The following PTPRD variants were observed in gnomAD, a reference collection of about 807,000 sequenced individuals.
PTPRD encodes protein tyrosine phosphatase receptor type D, also known as receptor-type tyrosine-protein phosphatase delta.
PTPRD carries 34 observed loss-of-function variants against 214.5 expected under a neutral mutation model. The observed-to-expected ratio is 0.16, with a 90% CI of 0.12 to 0.21. The LOEUF is 0.21. PTPRD is among the 10% of genes least tolerant of loss of function. The probability of loss-of-function intolerance (pLI) is 1.00; values close to 1 mark genes in which losing one functional copy is unlikely to be tolerated. For missense variants in PTPRD, 2,545 were observed against 2,398.7 expected, an observed-to-expected ratio of 1.06 and a Z score of -1.27; for synonymous variants, 1,128 against 845.7, an observed-to-expected ratio of 1.33 and a Z score of -5.79.
chr9:8,780,183 AT>A (rs964934454), intron 11 of PTPRD, among the ~76,000 whole-genome samples: 1 of 152,216 alleles, frequency 6.6e-6, no homozygotes, highest in Admixed American at 6.5e-5. Context: ...TTGACACAAA[AT>A]TATAAAGTAT....
At chr9:10,358,256 T>A (rs2097313584) in intron 2 of PTPRD, among the ~76,000 whole-genome samples, 1 of 152,096 alleles carries the variant, frequency 6.6e-6, no homozygotes, top group African/African-American at 2.4e-5. Context: ...ATAATACTTT[T>A]GTCCAGAAAT....
chr9:9,555,756 A>C (rs952367927), intron 8 of PTPRD, among the ~76,000 whole-genome samples: 1 of 152,168 alleles, frequency 6.6e-6, no homozygotes, highest in Non-Finnish European at 1.5e-5. Context: ...ATTAGCTATA[A>C]GTACCTTTCC....
intron 8 of PTPRD, among the ~76,000 whole-genome samples, chr9:9,474,145 G>T (rs1032482822): frequency 2.6e-5 from 4 of 152,098 alleles, no homozygotes; most frequent in Non-Finnish European, 4.4e-5. Context: ...GATGGTGAGA[G>T]ATAGGGGTTT....
intron 11 of PTPRD, among the ~76,000 whole-genome samples, chr9:8,807,053 T>C (rs909799149): frequency 1.3e-5 from 2 of 152,094 alleles, no homozygotes; most frequent in African/African-American, 2.4e-5. Context: ...AAGTGGGAAG[T>C]AGGCCAGGCA....
chr9:9,105,855 T>A (rs2099797719), intron 10 of PTPRD, among the ~76,000 whole-genome samples: 1 of 152,150 alleles, frequency 6.6e-6, no homozygotes, highest in South Asian at 2.1e-4. Context: ...CTATTTTAAC[T>A]GTAAAGAAAA....
At chr9:10,087,584 T>G (rs1475180009) in intron 3 of PTPRD, among the ~76,000 whole-genome samples, 1 of 151,616 alleles carries the variant, frequency 6.6e-6, no homozygotes, top group Admixed American at 6.6e-5. Flanking sequence ...AGACTAATAT[T>G]ATAATAACTG....
chr9:9,704,960 C>G (rs985109272), intron 7 of PTPRD, among the ~76,000 whole-genome samples: 1 of 152,208 alleles, frequency 6.6e-6, no homozygotes, highest in Non-Finnish European at 1.5e-5. Context: ...AGTAAAATGA[C>G]TGTTTTAAGC....
intron 11 of PTPRD, among the ~76,000 whole-genome samples, chr9:8,937,076 G>T (rs949792059): frequency 4.7e-5 from 1 of 21,358 alleles, no homozygotes; most frequent in African/African-American, 8.8e-5. Context: ...TTAGAGAATA[G>T]AAATGGTAGT....
chr9:10,369,089 T>A (rs752302042), intron 2 of PTPRD, among the ~76,000 whole-genome samples: 3 of 152,024 alleles, frequency 2.0e-5, no homozygotes, highest in Non-Finnish European at 4.4e-5. Flanking sequence ...GTTAAAAAAA[T>A]TGTGCTAAAT....
At chr9:10,446,956 G>A (rs1398386710) in intron 2 of PTPRD, among the ~76,000 whole-genome samples, 2 of 152,152 alleles carry the variant, frequency 1.3e-5, no homozygotes, top group Non-Finnish European at 2.9e-5. Context: ...CTCCATATAA[G>A]TGCAAAGGGT....
At chr9:8,571,497 T>C (rs947617725) in intron 14 of PTPRD, among the ~76,000 whole-genome samples, 2 of 152,246 alleles carry the variant, frequency 1.3e-5, no homozygotes, top group East Asian at 1.9e-4. Flanking sequence ...ATAATATCTA[T>C]GCATAAACAT....
At chr9:8,659,788 G>GT (rs1204522351) in intron 12 of PTPRD, among the ~76,000 whole-genome samples, 1 of 152,142 alleles carries the variant, frequency 6.6e-6, no homozygotes, top group Non-Finnish European at 1.5e-5. Flanking sequence ...TCTACCTATG[G>GT]TTTTAGATGT....
intron 11 of PTPRD, among the ~76,000 whole-genome samples, chr9:8,832,097 T>C (rs900397355): frequency 8.9e-6 from 1 of 111,780 alleles, no homozygotes; most frequent in African/African-American, 4.2e-5. Context: ...TAAATATGTA[T>C]GTGTATATGT....
intron 3 of PTPRD, among the ~76,000 whole-genome samples, chr9:10,168,115 C>A (rs546255173): frequency 1.3e-5 from 2 of 152,182 alleles, no homozygotes; most frequent in South Asian, 2.1e-4. Context: ...AACATATTTG[C>A]TTTTGCAGGT....
intron 3 of PTPRD, among the ~76,000 whole-genome samples, chr9:10,037,940 T>G (rs573269153): frequency 6.6e-6 from 1 of 152,194 alleles, no homozygotes; most frequent in African/African-American, 2.4e-5. Flanking sequence ...AAAAGTAGTT[T>G]AATTTCACTA....
intron 9 of PTPRD, among the ~76,000 whole-genome samples, chr9:9,322,953 C>T (rs1569567352): frequency 6.6e-6 from 1 of 152,062 alleles, no homozygotes; most frequent in Non-Finnish European, 1.5e-5. Context: ...AATGTCTATT[C>T]TGTTAGGTTT....
chr9:9,749,448 G>A (rs1176923799), intron 6 of PTPRD, among the ~76,000 whole-genome samples: 2 of 152,098 alleles, frequency 1.3e-5, no homozygotes, highest in African/African-American at 4.8e-5. Flanking sequence ...AGGAGGGGAA[G>A]AACAGGGAAT....
At chr9:9,492,448 T>C (rs76408479) in intron 8 of PTPRD, among the ~76,000 whole-genome samples, 2 of 152,082 alleles carry the variant, frequency 1.3e-5, no homozygotes, top group African/African-American at 4.8e-5. Context: ...AACAGGATTA[T>C]GTACCACGAC....
chr9:8,727,002 A>C (rs2098588510), intron 12 of PTPRD, among the ~76,000 whole-genome samples: 3 of 151,884 alleles, frequency 2.0e-5, no homozygotes, highest in Admixed American at 2.0e-4. Context: ...AAAAAGAAGT[A>C]GATCAGGTAC....
Sources: allele counts gnomAD v4.1 joint callset (sites outside exome capture counted in the v4.1 genomes callset), GRCh38; gene constraint gnomAD v4.1.1; transcripts MANE v1.5; gene names NCBI Gene and HGNC (gene_info 2026-07-23, HGNC 2026-07-21).